PAG1: variants seen among roughly 807,000 people sequenced by gnomAD.
PAG1 encodes the protein phosphoprotein membrane anchor with glycosphingolipid microdomains 1.
A neutral mutation model predicts 31.7 loss-of-function variants in PAG1; 23 were observed. That is an observed-to-expected ratio of 0.73 (90% CI 0.52 to 1.03). The LOEUF (loss-of-function observed/expected upper bound fraction) is 1.03, where lower values mean the gene tolerates loss of function less well. PAG1 is among the 50% of genes least tolerant of loss of function. PAG1 has a pLI of 0.00. For missense variants in PAG1, 473 were observed against 540.7 expected (o/e 0.87, Z 1.24); for synonymous variants, 214 against 210.3 (o/e 1.02, Z -0.15).
intron 1 of PAG1, among the ~76,000 whole-genome samples, chr8:81,096,085 C>G (rs995355342): frequency 6.6e-6 from 1 of 152,166 alleles, no homozygotes; most frequent in African/African-American, 2.4e-5. Context: ...GCTCTGAATC[C>G]TTGTTATTAA....
chr8:81,071,119 T>A (rs926829904), intron 1 of PAG1, among the ~76,000 whole-genome samples: 1 of 151,998 alleles, frequency 6.6e-6, no homozygotes. Flanking sequence ...TTAGAAGAAA[T>A]GAAAAGCAAA....
rs561054864 is a variant in PAG1, at chr8:81,111,820, C to T, written c.-463G>A. On this transcript the variant is annotated 5_prime_UTR_variant, in exon 1 of 9. Transcript: ENST00000220597. The stretch of plus-strand genomic sequence containing the variant: ...CGGCTGGGACTGAGGCTACTGCACC[C>T]GGCCGCGCGGACCCGAGCGCTGCAG... 2 of 152,382 alleles carry T rather than the reference C, an allele frequency of 1.3e-5. No individual in the cohort carries two copies. The highest frequency in any genetic ancestry group is 4.8e-5 in the African/African-American group (2 of 41,582). The allele number at this position is 152,382 out of a possible 1,614,324, so 9.4% of individuals were successfully genotyped here.
chr8:80,997,059 G>T (rs1227172391), intron 3 of PAG1, among the ~76,000 whole-genome samples: 1 of 149,588 alleles, frequency 6.7e-6, no homozygotes, highest in Non-Finnish European at 1.5e-5. Flanking sequence ...CTGTGACATG[G>T]TTATGGTCCA....
At chr8:81,024,323 G>A (rs1330350877) in intron 3 of PAG1, among the ~76,000 whole-genome samples, 1 of 152,112 alleles carries the variant, frequency 6.6e-6, no homozygotes, top group African/African-American at 2.4e-5. Flanking sequence ...GGAGAAGGGT[G>A]CACCCAGAAC....
chr8:81,001,069 C>CT (rs1408227022), intron 3 of PAG1, among the ~76,000 whole-genome samples: 1 of 152,228 alleles, frequency 6.6e-6, no homozygotes, highest in Non-Finnish European at 1.5e-5. Context: ...TCTGACAAAT[C>CT]TAAGCATCCT....
intron 1 of PAG1, among the ~76,000 whole-genome samples, chr8:81,080,019 C>G (rs964203526): frequency 6.6e-5 from 10 of 152,110 alleles, no homozygotes; most frequent in Non-Finnish European, 5.9e-5. Context: ...ATCCTCCCAT[C>G]AAGGCCTCCC....
At position 80,975,336 on chromosome 8, in the gene PAG1, TGTA is replaced by T. The variant is rs1282713479; in HGVS notation, c.*1205_*1207del. The T allele has an allele frequency of 6.6e-6, 1 of 152,242 alleles. No individual in the cohort carries two copies. The highest frequency in any genetic ancestry group is 2.4e-5 in the African/African-American group (1 of 41,472). 9.4% of individuals were successfully genotyped at this position (152,242 alleles called of 1,614,324 possible). ...GATTAGAAAAAAGATAACAGCTCCTTGTAGTGATCTAGCTTATGTGCTTTATGG... is the reference window on the plus strand; with the variant it reads ...GATTAGAAAAAAGATAACAGCTCCTTGTGATCTAGCTTATGTGCTTTATGG... On this transcript the variant is annotated 3_prime_UTR_variant, in exon 9 of 9. Transcript: ENST00000220597.
chr8:81,099,536 A>T (rs1029463550), intron 1 of PAG1, among the ~76,000 whole-genome samples: 1 of 152,202 alleles, frequency 6.6e-6, no homozygotes, highest in African/African-American at 2.4e-5. Context: ...TACAGGCAAT[A>T]TAAAAAAAAT....
At chr8:81,094,507 G>GT (rs1809495775) in intron 1 of PAG1, among the ~76,000 whole-genome samples, 1 of 152,074 alleles carries the variant, frequency 6.6e-6, no homozygotes. Context: ...TAATGGTTGG[G>GT]TTTCTAGGTC....
chr8:81,078,890 A>G (rs73279974), intron 1 of PAG1, among the ~76,000 whole-genome samples: 13,246 of 152,132 alleles, frequency 0.087, 1,550 homozygotes, highest in African/African-American at 0.27. Flanking sequence ...AAAACGCACA[A>G]TCTGGTTCCA....
chr8:81,045,211 A>G (rs887560479), intron 2 of PAG1, among the ~76,000 whole-genome samples: 4 of 152,218 alleles, frequency 2.6e-5, no homozygotes, highest in African/African-American at 7.2e-5. Flanking sequence ...GAGGTAGAGT[A>G]TGTCAGGCTG....
chr8:81,044,174 TG>T (rs1808603096), intron 2 of PAG1, among the ~76,000 whole-genome samples: 1 of 152,170 alleles, frequency 6.6e-6, no homozygotes, highest in South Asian at 2.1e-4. Context: ...GGGGCAGTAA[TG>T]GGTTGAATTT....
At position 80,997,169 on chromosome 8, in the gene PAG1, G is replaced by A. The variant is rs146084945; in HGVS notation, c.-80-3862C>T. 1.9e-3 allele frequency among the ~76,000 whole-genome samples: 291 copies of A among 152,302 alleles called. 1 individual carries two copies. Among genetic ancestry groups the A allele is most frequent in the African/African-American group, 6.6e-3 (273 of 41,562 alleles). ...GCAGAAATATCTGAGCCATTTGGAG[G>A]AGCATCCCCTATGTTTTTTTCATGA... On this transcript the variant is annotated intron_variant, in intron 3 of 8. Coordinates refer to ENST00000220597, the MANE Select transcript of PAG1 (RefSeq NM_018440.4).
In PAG1 at chr8:81,036,770, C is replaced by T. The variant is rs1288528829; in HGVS notation, c.-174-6681G>A. 2.6e-5 allele frequency among the ~76,000 whole-genome samples: 4 copies of T among 152,314 alleles called. No homozygotes were observed. The East Asian group carries it at 7.7e-4, about 29-fold the overall frequency. ...CTTGCTGCTTCTCCCAGCTGTGCCT[C>T]TCGTTTTTTCCACTCCCCAGCTGCT... On this transcript the variant is annotated intron_variant, in intron 2 of 8. Transcript: ENST00000220597.
At chr8:81,071,852 G>C (rs1563419709) in intron 1 of PAG1, among the ~76,000 whole-genome samples, 1 of 152,206 alleles carries the variant, frequency 6.6e-6, no homozygotes, top group Non-Finnish European at 1.5e-5. Flanking sequence ...ATCCGTGCTT[G>C]TTCTCCACAG....
Position 81,104,756 on chromosome 8 carries a change from G to C in PAG1, c.-234+6835C>G, listed in dbSNP as rs766647735. On this transcript the variant is annotated intron_variant, in intron 1 of 8. Coordinates refer to ENST00000220597, the MANE Select transcript of PAG1 (RefSeq NM_018440.4). ...CCCCACGCTTATCAGTGGGAGTTTA[G>C]ACTTTAAATCCACACCAGTATTCAA... is the stretch of plus-strand genomic sequence containing the variant. 8.2e-4 allele frequency among the ~76,000 whole-genome samples: 125 copies of C among 152,044 alleles called. 1 individual carries two copies. The highest frequency in any genetic ancestry group is 2.9e-4 in the Non-Finnish European group (20 of 68,000).
At chr8:81,028,281 G>A (rs564339394) in intron 3 of PAG1, among the ~76,000 whole-genome samples, 1 of 152,318 alleles carries the variant, frequency 6.6e-6, no homozygotes, top group East Asian at 1.9e-4. Flanking sequence ...TTAAAGTTCT[G>A]AACATTTGGA....
At chr8:81,075,062 C>T (rs755715567) in intron 1 of PAG1, among the ~76,000 whole-genome samples, 2 of 152,206 alleles carry the variant, frequency 1.3e-5, no homozygotes, top group Non-Finnish European at 2.9e-5. Flanking sequence ...TCCTTACTTC[C>T]TGCAACCAGG....
rs1366439345 is a variant in PAG1, at chr8:81,099,233, C to T, written c.-234+12358G>A. Among the ~76,000 whole-genome samples, 3 of 152,218 alleles carry T rather than the reference C, an allele frequency of 2.0e-5. No individual in the cohort carries two copies. The East Asian group carries it at 5.8e-4, about 29-fold the overall frequency. ...GGCTAAGAAATGGTTGACCAGAATA[C>T]AGCTCCCAAACAGGCATGTTCTCCA... On this transcript the variant is annotated intron_variant, in intron 1 of 8. Transcript: ENST00000220597.
Sources: gnomAD v4.1 joint callset for allele counts (sites outside exome capture counted in the v4.1 genomes callset) on GRCh38, gnomAD v4.1.1 for gene constraint, MANE v1.5 for transcripts, NCBI Gene and HGNC (gene_info 2026-07-23, HGNC 2026-07-21) for gene names.